GRM8: variants seen among roughly 807,000 people sequenced by gnomAD.
GRM8 encodes metabotropic glutamate receptor 8.
GRM8 carries 47 observed loss-of-function variants against 87.2 expected under a neutral mutation model. That is an observed-to-expected ratio of 0.54 (90% CI 0.43 to 0.69). GRM8 has a LOEUF of 0.69. Among genes scored for constraint, GRM8 ranks in the 30% least tolerant of loss-of-function variants. The pLI, the probability that GRM8 is intolerant of heterozygous loss-of-function variation, is 0.00. For missense variants in GRM8, 1,019 were observed against 1,139.2 expected (o/e 0.89, Z 1.52); for synonymous variants, 396 against 404.5 (o/e 0.98, Z 0.25).
chr7:126,755,198 A>G (rs551172319), intron 7 of GRM8, among the ~76,000 whole-genome samples: 2 of 152,132 alleles, frequency 1.3e-5, no homozygotes, highest in South Asian at 4.1e-4. Flanking sequence ...TAAGATGAAA[A>G]GAAAAACTTT....
intron 7 of GRM8, among the ~76,000 whole-genome samples, chr7:126,667,287 T>G (rs1805876434): frequency 6.6e-6 from 1 of 152,204 alleles, no homozygotes; most frequent in African/African-American, 2.4e-5. Flanking sequence ...AATAGTTGTC[T>G]TCAAGTTGAA....
chr7:127,033,043 T>C (rs1325904293), intron 3 of GRM8, among the ~76,000 whole-genome samples: 1 of 151,472 alleles, frequency 6.6e-6, no homozygotes, highest in Non-Finnish European at 1.5e-5. Context: ...TATCTTGTTT[T>C]AATAATATTT....
chr7:127,238,966 T>C (rs1025482579), intron 2 of GRM8, among the ~76,000 whole-genome samples: 1 of 152,190 alleles, frequency 6.6e-6, no homozygotes, highest in Non-Finnish European at 1.5e-5. Context: ...AATGCTCCTC[T>C]GACTTAAACA....
chr7:126,555,252 G>C (rs539202302), intron 8 of GRM8, among the ~76,000 whole-genome samples: 60 of 152,226 alleles, frequency 3.9e-4, no homozygotes, highest in Non-Finnish European at 7.2e-4. Flanking sequence ...ACTAAGTTAG[G>C]TTGCAGAGTG....
intron 9 of GRM8, among the ~76,000 whole-genome samples, chr7:126,481,096 C>T (rs1806617737): frequency 6.6e-6 from 1 of 151,650 alleles, no homozygotes; most frequent in South Asian, 2.1e-4. Context: ...GGATTATAAA[C>T]CAATAAATAA....
intron 2 of GRM8, among the ~76,000 whole-genome samples, chr7:127,109,403 G>A (rs1046879168): frequency 2.0e-5 from 3 of 152,060 alleles, no homozygotes; most frequent in Non-Finnish European, 4.4e-5. Context: ...AAACTCTTCG[G>A]TCTGGTTCAC....
At chr7:126,753,268 G>C (rs1003426711) in intron 7 of GRM8, among the ~76,000 whole-genome samples, 2 of 151,772 alleles carry the variant, frequency 1.3e-5, no homozygotes, top group African/African-American at 4.8e-5. Flanking sequence ...GAATTACTTA[G>C]TCTATATTTA....
chr7:126,983,099 G>C (rs1001966051), intron 3 of GRM8, among the ~76,000 whole-genome samples: 1 of 151,870 alleles, frequency 6.6e-6, no homozygotes, highest in African/African-American at 2.4e-5. Flanking sequence ...GGTAGGAGGA[G>C]CCCAAAGTGT....
At chr7:126,783,724 C>T (rs1700170135) in intron 6 of GRM8, among the ~76,000 whole-genome samples, 1 of 152,086 alleles carries the variant, frequency 6.6e-6, no homozygotes, top group Non-Finnish European at 1.5e-5. Context: ...TTTTGTTTCT[C>T]TTCACATGGA....
intron 3 of GRM8, among the ~76,000 whole-genome samples, chr7:126,905,706 A>G (rs1400243119): frequency 1.3e-5 from 2 of 152,154 alleles, no homozygotes; most frequent in Admixed American, 6.6e-5. Context: ...AGGAGTTACC[A>G]CCTAGTCTGG....
chr7:127,014,912 G>C (rs1020580652), intron 3 of GRM8, among the ~76,000 whole-genome samples: 3 of 146,626 alleles, frequency 2.0e-5, no homozygotes, highest in Non-Finnish European at 3.0e-5. Context: ...TGGGAGGGGA[G>C]AAAGGAAAGA....
At chr7:127,082,087 C>G (rs1018638358) in intron 3 of GRM8, 1 of 152,246 alleles carries the variant, frequency 6.6e-6, no homozygotes, top group African/African-American at 2.4e-5. Context: ...GCCCACACTG[C>G]TCCTGCAGAT....
intron 3 of GRM8, among the ~76,000 whole-genome samples, chr7:126,932,476 C>G (rs1433268260): frequency 6.6e-6 from 1 of 152,114 alleles, no homozygotes; most frequent in East Asian, 1.9e-4. Flanking sequence ...AGACACGTTC[C>G]TGTGTATCCA....
intron 6 of GRM8, among the ~76,000 whole-genome samples, chr7:126,867,776 G>C (rs1375404664): frequency 6.6e-6 from 1 of 152,158 alleles, no homozygotes; most frequent in East Asian, 1.9e-4. Flanking sequence ...CCCAGGAAAA[G>C]ATGTTGTCAT....
At chr7:127,031,398 G>A (rs1031973115) in intron 3 of GRM8, among the ~76,000 whole-genome samples, 1 of 151,796 alleles carries the variant, frequency 6.6e-6, no homozygotes, top group South Asian at 2.1e-4. Context: ...TCAATTACCT[G>A]AAGAGAATGG....
At chr7:127,103,781 T>C (rs62468879) in intron 3 of GRM8, among the ~76,000 whole-genome samples, 3,160 of 152,268 alleles carry the variant, frequency 0.021, 67 homozygotes, top group Non-Finnish European at 0.028. Context: ...AATAATCCTA[T>C]AGTCAAGAGA....
chr7:127,015,066 A>AGAAGAAGAAGAAGAAGAAGAG (rs1454124629), intron 3 of GRM8, among the ~76,000 whole-genome samples: 6 of 104,428 alleles, frequency 5.7e-5, no homozygotes, highest in African/African-American at 1.8e-4. Flanking sequence ...AAGAAGAAGA[A>AGAAGAAGAAGAAGAAGAAGAG]GAAAGAAAGA....
At chr7:127,014,953 G>GAGA (rs1198118194) in intron 3 of GRM8, among the ~76,000 whole-genome samples, 2 of 123,052 alleles carry the variant, frequency 1.6e-5, no homozygotes, top group Non-Finnish European at 3.5e-5. Context: ...GAAAGAGAGA[G>GAGA]AGAAGAAGAA....
chr7:126,628,281 G>A lies in GRM8; in HGVS notation c.1358-18783C>T, dbSNP rs377307447. ...AGGATGGTCTCGATCTCCTGATCTC[G>A]TGAACCGCCTACCTCAGCCTCCCAA... On this transcript the variant is annotated intron_variant, in intron 7 of 10. Transcript: ENST00000339582. Among the ~76,000 whole-genome samples, 8 of 152,220 alleles carry A rather than the reference G, an allele frequency of 5.3e-5. No individual in the cohort carries two copies. In the East Asian group the frequency reaches 7.7e-4, roughly 15 times the overall value.
Sources: allele counts gnomAD v4.1 joint callset (sites outside exome capture counted in the v4.1 genomes callset), GRCh38; gene constraint gnomAD v4.1.1; transcripts MANE v1.5; gene names NCBI Gene and HGNC (gene_info 2026-07-23, HGNC 2026-07-21).